The following IFT52 variants were observed in gnomAD, a reference collection of about 807,000 sequenced individuals.
IFT52 encodes the protein intraflagellar transport 52, also known as intraflagellar transport protein 52 homolog.
IFT52 carries 44 observed loss-of-function variants against 54.4 expected under a neutral mutation model. The observed-to-expected ratio is 0.81, with a 90% CI of 0.63 to 1.04. IFT52 has a LOEUF of 1.04. Among genes scored for constraint, IFT52 ranks in the 50% least tolerant of loss-of-function variants. The pLI is 0.00. For synonymous variants in IFT52, 181 were observed against 185.3 expected (o/e 0.98, Z 0.19); for missense variants, 452 against 523.6 (o/e 0.86, Z 1.33).
chr20:43,606,779 G>C (rs1481634363), intron 6 of IFT52, among the ~76,000 whole-genome samples: 1 of 152,100 alleles, frequency 6.6e-6, no homozygotes, highest in Non-Finnish European at 1.5e-5. Context: ...TTAGGGAGTG[G>C]TGATGACTCT....
chr20:43,645,075 C>A, intron 13 of IFT52, among the ~76,000 whole-genome samples: 1 of 55,040 alleles, frequency 1.8e-5, no homozygotes, highest in Middle Eastern at 9.3e-3. Flanking sequence ...CCACTGTACT[C>A]CAACCTGGGC....
At chr20:43,622,731 A>G (rs1053922553) in intron 9 of IFT52, among the ~76,000 whole-genome samples, 1 of 144,258 alleles carries the variant, frequency 6.9e-6, no homozygotes, top group Non-Finnish European at 1.5e-5. Flanking sequence ...AAATATAAAT[A>G]TATACATATT....
intron 9 of IFT52, among the ~76,000 whole-genome samples, chr20:43,623,262 G>C (rs1984475059): frequency 6.6e-6 from 1 of 152,166 alleles, no homozygotes; most frequent in Non-Finnish European, 1.5e-5. Flanking sequence ...ACGGCTCACT[G>C]CAGTGTTGAC....
intron 8 of IFT52, 148 bp downstream of exon 8, chr20:43,619,174 G>A (rs929153082): frequency 3.2e-6 from 2 of 625,052 alleles, no homozygotes; most frequent in Middle Eastern, 8.5e-4. Flanking sequence ...GTCGAGTCAG[G>A]CATAGTCCCA....
chr20:43,602,139 TTTATTTTA>T (rs1483542374), intron 3 of IFT52, among the ~76,000 whole-genome samples: 19 of 8,344 alleles, frequency 2.3e-3, no homozygotes, highest in Non-Finnish European at 4.8e-3. Flanking sequence ...TGAGCTGATT[TTTATTTTA>T]TTTATTTATT....
chr20:43,627,449 G>T (rs1466580413), intron 10 of IFT52, among the ~76,000 whole-genome samples: 1 of 152,178 alleles, frequency 6.6e-6, no homozygotes, highest in East Asian at 1.9e-4. Flanking sequence ...ATTTGAAATT[G>T]GTTTAAGAGA....
intron 6 of IFT52, 70 bp downstream of exon 6, chr20:43,605,143 G>C: frequency 6.3e-7 from 1 of 1,579,320 alleles, no homozygotes; most frequent in Non-Finnish European, 8.6e-7. Context: ...AAAATGAAAA[G>C]AGCTTTTGTT....
chr20:43,630,354 C>T (rs552257660), intron 10 of IFT52, among the ~76,000 whole-genome samples: 20 of 152,310 alleles, frequency 1.3e-4, no homozygotes, highest in Admixed American at 2.0e-4. Flanking sequence ...GAACTGCCTA[C>T]TGTCTTAGTG....
At position 43,637,012 on chromosome 20, in the gene IFT52, G is replaced by A. The variant is rs80129156; in HGVS notation, c.1012-133G>A. 2.3e-3 allele frequency: 1,360 copies of A among 595,370 alleles called. 13 individuals are homozygous for A. Among genetic ancestry groups the A allele is most frequent in the African/African-American group, 0.023 (1,197 of 52,732 alleles). 36.9% of individuals were successfully genotyped at this position (595,370 alleles called of 1,614,324 possible). A position where few individuals can be genotyped will look rare whatever the true frequency, so the allele number is the denominator to read the frequency against. On this transcript the variant is annotated intron_variant, in intron 11 of 13. Transcript: ENST00000373030. ...TGTGGTTCCCAACTGAGGAATTAAGGATGTGAACTTCCTTATTCTCCTTGT... is the reference window on the plus strand; with the variant it reads ...TGTGGTTCCCAACTGAGGAATTAAGAATGTGAACTTCCTTATTCTCCTTGT...
intron 6 of IFT52, among the ~76,000 whole-genome samples, chr20:43,605,744 A>G (rs1425351580): frequency 6.6e-6 from 1 of 152,228 alleles, no homozygotes; most frequent in Non-Finnish European, 1.5e-5. Flanking sequence ...TTTGTCAAGC[A>G]TCGACTGTGT....
At chr20:43,628,307 C>T (rs112493199) in intron 10 of IFT52, among the ~76,000 whole-genome samples, 1 of 152,116 alleles carries the variant, frequency 6.6e-6, no homozygotes, top group Non-Finnish European at 1.5e-5. Context: ...TTCAGAGATG[C>T]CCTGCTCAGA....
rs1055277781 is a variant in IFT52, at chr20:43,616,778, T to C, written c.613-2162T>C. On this transcript the variant is annotated intron_variant, in intron 7 of 13. Coordinates refer to ENST00000373030, the MANE Select transcript of IFT52 (RefSeq NM_016004.5). ...ACTCATGCCTATAATCTTAGCACTT[T>C]GGGAGGTTAAGGAGGTAGGATCACT... is the stretch of plus-strand genomic sequence containing the variant. Among the ~76,000 whole-genome samples the C allele has an allele frequency of 2.0e-5, 3 of 152,126 alleles. No individual in the cohort carries two copies. In the South Asian group the frequency reaches 6.2e-4, roughly 32 times the overall value.
At chr20:43,601,606 A>T (rs184678868) in intron 3 of IFT52, among the ~76,000 whole-genome samples, 1 of 152,306 alleles carries the variant, frequency 6.6e-6, no homozygotes, top group East Asian at 1.9e-4. Context: ...CTATATACTC[A>T]TTGCATTTAG....
chr20:43,626,970 G>A (rs1343001410), intron 10 of IFT52, among the ~76,000 whole-genome samples: 1 of 152,056 alleles, frequency 6.6e-6, no homozygotes, highest in Non-Finnish European at 1.5e-5. Context: ...TTTGAGACCA[G>A]CCTGGCCAAC....
At position 43,647,188 on chromosome 20, in the gene IFT52, TA is replaced by T. The variant is rs1274645059; in HGVS notation, c.*208del. ...TAAGATACATTCCATTTTTAAAAAT[TA>T]AATGTATGGTTGCATCTGTCTTTTT... On this transcript the variant is annotated 3_prime_UTR_variant, in exon 14 of 14. Transcript: ENST00000373030. 1 of 574,958 alleles carries T rather than the reference TA, an allele frequency of 1.7e-6. No homozygotes were observed. The highest frequency in any genetic ancestry group is 1.9e-5 in the African/African-American group (1 of 53,462). The allele number at this position is 574,958 out of a possible 1,614,324, so 35.6% of individuals were successfully genotyped here.
intron 7 of IFT52, among the ~76,000 whole-genome samples, chr20:43,617,094 C>G (rs995603685): frequency 5.3e-5 from 8 of 151,908 alleles, no homozygotes; most frequent in Admixed American, 5.3e-4. Flanking sequence ...TACTGAAAAC[C>G]CTTTATAATA....
intron 3 of IFT52, among the ~76,000 whole-genome samples, chr20:43,599,900 A>G (rs1399171782): frequency 2.6e-5 from 4 of 152,190 alleles, no homozygotes; most frequent in Non-Finnish European, 2.9e-5. Flanking sequence ...ATCCACCTAT[A>G]TTACAGATGC....
intron 9 of IFT52, among the ~76,000 whole-genome samples, chr20:43,621,975 G>A (rs1376131042): frequency 6.6e-6 from 1 of 152,216 alleles, no homozygotes. Flanking sequence ...AATCCTTCAA[G>A]ATTGCAGTGT....
At chr20:43,596,759 T>TG (rs1357251860) in intron 3 of IFT52, among the ~76,000 whole-genome samples, 2 of 97,942 alleles carry the variant, frequency 2.0e-5, no homozygotes, top group Admixed American at 1.1e-4. Context: ...TTTTTTTTTT[T>TG]GAGACAGAGT....
Sources: gnomAD v4.1 joint callset for allele counts (sites outside exome capture counted in the v4.1 genomes callset) on GRCh38, gnomAD v4.1.1 for gene constraint, MANE v1.5 for transcripts, NCBI Gene and HGNC (gene_info 2026-07-23, HGNC 2026-07-21) for gene names.